FOXB2: variants seen among roughly 807,000 people sequenced by gnomAD.
FOXB2 encodes forkhead box B2, also known as forkhead box protein B2.
A neutral mutation model predicts 0.9 loss-of-function variants in FOXB2; 1 was observed. The observed-to-expected ratio is 1.09, with a 90% CI of 0.39 to 5.18. The LOEUF is 5.18. FOXB2 is among the 30% of genes most tolerant of loss of function. The probability of loss-of-function intolerance (pLI) is 0.16; values close to 1 mark genes in which losing one functional copy is unlikely to be tolerated. For synonymous variants in FOXB2, 322 were observed against 293.5 expected (o/e 1.10, Z -0.99); for missense variants, 670 against 626.6 (o/e 1.07, Z -0.74).
chr9:77,020,716 G>A lies in FOXB2; in HGVS notation c.1062G>A (p.Ser354=). Reference sequence around the variant, plus strand: ...TCCCGGTCAAGTCCCTGTGCCACTCGGCAAGCCAGAGCCTGCCTGCCATGC... The same window carrying A: ...TCCCGGTCAAGTCCCTGTGCCACTCAGCAAGCCAGAGCCTGCCTGCCATGC... ...FGVPVKSLCH[S]ASQSLPAMPV... Residue 354 remains serine, a synonymous_variant, in exon 1 of 1, where the codon TCG becomes TCA. Coordinates refer to ENST00000376708, the MANE Select transcript of FOXB2 (RefSeq NM_001013735.1). This position sits in a 1 kb window ranked among gnomAD's most constrained non-coding sequence, Gnocchi z 4.9. The A allele has an allele frequency of 6.3e-7, 1 of 1,597,980 alleles. No individual in the cohort carries two copies. The highest frequency in any genetic ancestry group is 8.5e-7 in the Non-Finnish European group (1 of 1,174,422).
chr9:77,020,210 AC>A lies in FOXB2; in HGVS notation c.557del (p.Thr186MetfsTer152). 1 of 1,163,226 alleles carries A rather than the reference AC, an allele frequency of 8.6e-7. No individual in the cohort carries two copies. The allele number at this position is 1,163,226 out of a possible 1,614,324, so 72.1% of individuals were successfully genotyped here. A position where few individuals can be genotyped will look rare whatever the true frequency, so the allele number is the denominator to read the frequency against. On this transcript the variant is annotated frameshift_variant, in exon 1 of 1. Coordinates refer to ENST00000376708, the MANE Select transcript of FOXB2 (RefSeq NM_001013735.1). LOFTEE classifies it low-confidence loss of function (END_TRUNC). This position sits in a 1 kb window ranked among gnomAD's most constrained non-coding sequence, Gnocchi z 4.9. ...ACACTATTTCCATCAGCAACCGCCT[AC>A]TGCTCCGCAGCCGCCTCCGCACCTC... ...MVHYFHQQPP[T>X]APQPPPHLPS...
In FOXB2 at chr9:77,019,783, C is replaced by G. The variant is rs760623885; in HGVS notation, c.129C>G (p.Ile43Met). ...MLPLSDIYKF[I>M]MERFPYYREH... The stretch of plus-strand genomic sequence containing the variant: ...CGCTGAGCGACATCTACAAGTTCAT[C>G]ATGGAGCGCTTCCCCTACTACCGCG... The change falls in exon 1 of 1, where the codon ATC becomes ATG. Residue 43 changes from isoleucine (I) to methionine (M), a missense_variant. Transcript: ENST00000376708. The surrounding 1 kb of genome is among the most constrained non-coding windows in gnomAD (Gnocchi z 4.4). The G allele has an allele frequency of 3.1e-6, 5 of 1,614,030 alleles. No homozygotes were observed. Among genetic ancestry groups the G allele is most frequent in the Admixed American group, 3.3e-5 (2 of 60,032 alleles).
At position 77,020,068 on chromosome 9, in the gene FOXB2, C is replaced by A; in HGVS notation, c.414C>A (p.Pro138=). The A allele has an allele frequency of 6.4e-7, 1 of 1,567,460 alleles. No individual in the cohort carries two copies. Among genetic ancestry groups the A allele is most frequent in the East Asian group, 2.3e-5 (1 of 42,756 alleles). Residue 138 remains proline, a synonymous_variant, in exon 1 of 1, where the codon CCC becomes CCA. Transcript: ENST00000376708. This position sits in a 1 kb window ranked among gnomAD's most constrained non-coding sequence, Gnocchi z 4.9. Reference sequence around the variant, plus strand: ...CCGGTCCGGGAGGGCACCTTCACCCCCATCACCACCACCACCCCCACCACC... The same window carrying A: ...CCGGTCCGGGAGGGCACCTTCACCCACATCACCACCACCACCCCCACCACC... ...PGAGPGGHLH[P]HHHHHPHHHH... is the part of the protein sequence containing the mutation.
At position 77,019,946 on chromosome 9, in the gene FOXB2, G is replaced by C. The variant is rs2063909096; in HGVS notation, c.292G>C (p.Glu98Gln). ...ALHPDCGDMF[E>Q]NGSFLRRRKR... is the part of the protein sequence containing the mutation. ...GCACCCCGACTGCGGGGACATGTTC[G>C]AGAACGGCAGCTTCCTGCGGCGTCG... Residue 98 changes from glutamate (E) to glutamine (Q), a missense_variant, in exon 1 of 1, where the codon GAG (glutamate) becomes CAG (glutamine). Transcript: ENST00000376708. The surrounding 1 kb of genome is among the most constrained non-coding windows in gnomAD (Gnocchi z 4.4). The C allele has an allele frequency of 6.2e-7, 1 of 1,613,318 alleles. No individual in the cohort carries two copies.
Position 77,019,735 on chromosome 9 carries a change from G to T in FOXB2, c.81G>T (p.Gln27His), listed in dbSNP as rs780417675. 1.2e-6 allele frequency: 2 copies of T among 1,613,890 alleles called. No individual in the cohort carries two copies. Among genetic ancestry groups the T allele is most frequent in the Non-Finnish European group, 1.7e-6 (2 of 1,179,998 alleles). ...SYISLTAMAI[Q>H]HSAEKMLPLS... Reference sequence around the variant, plus strand: ...TCTCGCTGACCGCCATGGCAATCCAGCACTCGGCCGAGAAGATGCTGCCGC... The same window carrying T: ...TCTCGCTGACCGCCATGGCAATCCATCACTCGGCCGAGAAGATGCTGCCGC... The change falls in exon 1 of 1, where the codon CAG (glutamine) becomes CAT (histidine). Residue 27 changes from glutamine (Q) to histidine (H), a missense_variant. Gln to His is a conservative substitution (Grantham distance 24). Transcript: ENST00000376708. This position sits in a 1 kb window ranked among gnomAD's most constrained non-coding sequence, Gnocchi z 4.4.
At position 77,020,114 on chromosome 9, in the gene FOXB2, G is replaced by T. The variant is rs769558790; in HGVS notation, c.460G>T (p.Ala154Ser). ...CCACCACCATCATCACCACGCTGCC[G>T]CACACCACCACCATCACCACCACCC... ...PHHHHHHHAA[A>S]HHHHHHHPPQ... The change falls in exon 1 of 1, where the codon GCA becomes TCA. Residue 154 changes from alanine (A) to serine (S), a missense_variant. By Grantham distance (99) the Ala-to-Ser change is moderately conservative. Coordinates refer to ENST00000376708, the MANE Select transcript of FOXB2 (RefSeq NM_001013735.1). This position sits in a 1 kb window ranked among gnomAD's most constrained non-coding sequence, Gnocchi z 4.9. 1.4e-6 allele frequency: 2 copies of T among 1,442,070 alleles called. No homozygotes were observed. Among genetic ancestry groups the T allele is most frequent in the Non-Finnish European group, 1.9e-6 (2 of 1,075,956 alleles). The allele number at this position is 1,442,070 out of a possible 1,614,324, so 89.3% of individuals were successfully genotyped here.
At position 77,020,054 on chromosome 9, in the gene FOXB2, G is replaced by A. The variant is rs1270970797; in HGVS notation, c.400G>A (p.Gly134Arg). The change falls in exon 1 of 1, where the codon GGG becomes AGG. Residue 134 changes from glycine (G) to arginine (R), a missense_variant. Transcript: ENST00000376708. This position sits in a 1 kb window ranked among gnomAD's most constrained non-coding sequence, Gnocchi z 4.9. ...TKSAPGAGPG[G>R]HLHPHHHHHP... Reference sequence around the variant, plus strand: ...GAGCGCGCCGGGCGCCGGTCCGGGAGGGCACCTTCACCCCCATCACCACCA... The same window carrying A: ...GAGCGCGCCGGGCGCCGGTCCGGGAAGGCACCTTCACCCCCATCACCACCA... 1 of 1,598,602 alleles carries A rather than the reference G, an allele frequency of 6.3e-7. No homozygotes were observed. The highest frequency in any genetic ancestry group is 8.5e-7 in the Non-Finnish European group (1 of 1,174,864).
rs754614062 is a variant in FOXB2 at position 77,019,960 on chromosome 9, C to T, written c.306C>T (p.Phe102=). Residue 102 remains phenylalanine, a synonymous_variant, in exon 1 of 1, where the codon TTC becomes TTT. Coordinates refer to ENST00000376708, the MANE Select transcript of FOXB2 (RefSeq NM_001013735.1). The surrounding 1 kb of genome is among the most constrained non-coding windows in gnomAD (Gnocchi z 4.4). ...GGGACATGTTCGAGAACGGCAGCTT[C>T]CTGCGGCGTCGCAAGCGCTTCAAGG... ...DCGDMFENGS[F]LRRRKRFKVL... The T allele has an allele frequency of 1.2e-5, 20 of 1,612,934 alleles. No individual in the cohort carries two copies. In the Admixed American group the frequency reaches 1.8e-4, roughly 15 times the overall value.
In FOXB2 at chr9:77,020,302, G is replaced by T; in HGVS notation, c.648G>T (p.Lys216Asn). ...SQPQQPSHPG[K>N]MQEAAAVAAA... ...CTCAGCAGCCGTCTCACCCCGGCAA[G>T]ATGCAGGAGGCGGCGGCCGTGGCGG... The change falls in exon 1 of 1, where the codon AAG (lysine) becomes AAT (asparagine). Residue 216 changes from lysine to asparagine, a missense_variant. Lys to Asn is a moderately conservative substitution (Grantham distance 94). Coordinates refer to ENST00000376708, the MANE Select transcript of FOXB2 (RefSeq NM_001013735.1). This position sits in a 1 kb window ranked among gnomAD's most constrained non-coding sequence, Gnocchi z 4.9. 7.7e-7 allele frequency: 1 copy of T among 1,299,512 alleles called. No homozygotes were observed. The allele number at this position is 1,299,512 out of a possible 1,614,324, so 80.5% of individuals were successfully genotyped here.
In FOXB2 at chr9:77,020,254, G is replaced by A; in HGVS notation, c.600G>A (p.Gln200=). ...PPPHLPSQPP[Q]QPPQQSQPQQ... is the part of the protein sequence containing the mutation. The stretch of plus-strand genomic sequence containing the variant: ...CGCACCTCCCGTCACAGCCCCCGCA[G>A]CAACCGCCCCAGCAGTCGCAGCCTC... The change falls in exon 1 of 1, where the codon CAG becomes CAA. Residue 200 remains glutamine (Q), a synonymous_variant. Coordinates refer to ENST00000376708, the MANE Select transcript of FOXB2 (RefSeq NM_001013735.1). The surrounding 1 kb of genome is among the most constrained non-coding windows in gnomAD (Gnocchi z 4.9). 7.7e-7 allele frequency: 1 copy of A among 1,298,998 alleles called. No homozygotes were observed. The highest frequency in any genetic ancestry group is 1.1e-6 in the Non-Finnish European group (1 of 908,346). The allele number at this position is 1,298,998 out of a possible 1,614,324, so 80.5% of individuals were successfully genotyped here.
chr9:77,020,814 C>G lies in FOXB2; in HGVS notation c.1160C>G (p.Ala387Gly). Residue 387 changes from alanine to glycine, a missense_variant, in exon 1 of 1, where the codon GCT (alanine) becomes GGT (glycine). Transcript: ENST00000376708. The surrounding 1 kb of genome is among the most constrained non-coding windows in gnomAD (Gnocchi z 4.9). ...CAGCCGGGGCTCACTGTCCCCGCGG[C>G]TTCGCAGCAGCCTCCGGCGCCATCC... is the stretch of plus-strand genomic sequence containing the variant. Reference protein sequence around the residue: ...ALQPGLTVPAASQQPPAPSTV... With the variant: ...ALQPGLTVPAGSQQPPAPSTV... 1 of 1,556,024 alleles carries G rather than the reference C, an allele frequency of 6.4e-7. No individual in the cohort carries two copies. Among genetic ancestry groups the G allele is most frequent in the Non-Finnish European group, 8.6e-7 (1 of 1,157,168 alleles).
In FOXB2 at chr9:77,020,138, C is replaced by A; in HGVS notation, c.484C>A (p.Pro162Thr). The A allele has an allele frequency of 7.0e-7, 1 of 1,429,208 alleles. No individual in the cohort carries two copies. The highest frequency in any genetic ancestry group is 1.4e-5 in the African/African-American group (1 of 71,564). 88.5% of individuals were successfully genotyped at this position (1,429,208 alleles called of 1,614,324 possible). Residue 162 changes from proline to threonine, a missense_variant, in exon 1 of 1, where the codon CCA becomes ACA. Coordinates refer to ENST00000376708, the MANE Select transcript of FOXB2 (RefSeq NM_001013735.1). This position sits in a 1 kb window ranked among gnomAD's most constrained non-coding sequence, Gnocchi z 4.9. ...AAAHHHHHHH[P>T]PQPPPPPPPP... ...CGCACACCACCACCATCACCACCAC[C>A]CACCCCAGCCGCCGCCGCCGCCGCC...
rs746503674 is a variant in FOXB2 at position 77,020,299 on chromosome 9, C to G, written c.645C>G (p.Gly215=). The stretch of plus-strand genomic sequence containing the variant: ...AGCCTCAGCAGCCGTCTCACCCCGG[C>G]AAGATGCAGGAGGCGGCGGCCGTGG... ...QSQPQQPSHP[G]KMQEAAAVAA... is the part of the protein sequence containing the mutation. Residue 215 remains glycine, a synonymous_variant, in exon 1 of 1, where the codon GGC becomes GGG. Coordinates refer to ENST00000376708, the MANE Select transcript of FOXB2 (RefSeq NM_001013735.1). This position sits in a 1 kb window ranked among gnomAD's most constrained non-coding sequence, Gnocchi z 4.9. 2.8e-6 allele frequency: 4 copies of G among 1,420,838 alleles called. No homozygotes were observed. Among genetic ancestry groups the G allele is most frequent in the Non-Finnish European group, 3.8e-6 (4 of 1,053,460 alleles). 88.0% of individuals were successfully genotyped at this position (1,420,838 alleles called of 1,614,324 possible).
chr9:77,020,328 C>A lies in FOXB2; in HGVS notation c.674C>A (p.Ala225Glu). The change falls in exon 1 of 1, where the codon GCG becomes GAG. Residue 225 changes from alanine to glutamate, a missense_variant. Transcript: ENST00000376708. This position sits in a 1 kb window ranked among gnomAD's most constrained non-coding sequence, Gnocchi z 4.9. ...GKMQEAAAVA[A>E]AAAAAAAAAV... ...ATGCAGGAGGCGGCGGCCGTGGCGG[C>A]GGCGGCGGCGGCGGCCGCGGCAGCC... is the stretch of plus-strand genomic sequence containing the variant. 1.7e-6 allele frequency: 2 copies of A among 1,154,572 alleles called. No individual in the cohort carries two copies. Among genetic ancestry groups the A allele is most frequent in the Non-Finnish European group, 1.1e-6 (1 of 940,606 alleles). 71.5% of individuals were successfully genotyped at this position (1,154,572 alleles called of 1,614,324 possible).
Position 77,020,006 on chromosome 9 carries a change from C to CA in FOXB2, c.353dup (p.His118GlnfsTer156). 3 of 1,611,248 alleles carry CA rather than the reference C, an allele frequency of 1.9e-6. No individual in the cohort carries two copies. The highest frequency in any genetic ancestry group is 2.5e-6 in the Non-Finnish European group (3 of 1,179,388). ...CAAGGTGCTGCGCGCCGACCATACT[C>CA]ACTTGCACGCGGGAAGCACCAAGAG... On this transcript the variant is annotated frameshift_variant, in exon 1 of 1. Transcript: ENST00000376708. LOFTEE classifies it low-confidence loss of function (END_TRUNC). This position sits in a 1 kb window ranked among gnomAD's most constrained non-coding sequence, Gnocchi z 4.9.
In FOXB2 at chr9:77,020,453, A is replaced by C. The variant is rs2063912605; in HGVS notation, c.799A>C (p.Lys267Gln). 6.3e-7 allele frequency: 1 copy of C among 1,587,028 alleles called. No homozygotes were observed. Among genetic ancestry groups the C allele is most frequent in the African/African-American group, 1.4e-5 (1 of 70,810 alleles). Residue 267 changes from lysine to glutamine, a missense_variant, in exon 1 of 1, where the codon AAG (lysine) becomes CAG (glutamine). Lys to Gln is a moderately conservative substitution (Grantham distance 53). Coordinates refer to ENST00000376708, the MANE Select transcript of FOXB2 (RefSeq NM_001013735.1). This position sits in a 1 kb window ranked among gnomAD's most constrained non-coding sequence, Gnocchi z 4.9. ...GGCCGCGGCGTCCACGTCAGGCTTCAAGCACCCCTTTGCCATTGAGAACAT... is the reference window on the plus strand; with the variant it reads ...GGCCGCGGCGTCCACGTCAGGCTTCCAGCACCCCTTTGCCATTGAGAACAT... ...AAAAASTSGFKHPFAIENIIG... is the reference protein window; with the variant it reads ...AAAAASTSGFQHPFAIENIIG...
chr9:77,019,925 C>T lies in FOXB2; in HGVS notation c.271C>T (p.Pro91Ser). ...CAAGGGTAGCTTCTGGGCGCTGCAC[C>T]CCGACTGCGGGGACATGTTCGAGAA... ...PGKGSFWALH[P>S]DCGDMFENGS... The change falls in exon 1 of 1, where the codon CCC becomes TCC. Residue 91 changes from proline to serine, a missense_variant. Transcript: ENST00000376708. The surrounding 1 kb of genome is among the most constrained non-coding windows in gnomAD (Gnocchi z 4.4). 1 of 1,613,600 alleles carries T rather than the reference C, an allele frequency of 6.2e-7. No homozygotes were observed. The highest frequency in any genetic ancestry group is 2.2e-5 in the East Asian group (1 of 44,830).
In FOXB2 at chr9:77,019,665, C is replaced by T. The variant is rs2063907500; in HGVS notation, c.11C>T (p.Pro4Leu). The T allele has an allele frequency of 6.3e-7, 1 of 1,576,176 alleles. No individual in the cohort carries two copies. Residue 4 changes from proline (P) to leucine (L), a missense_variant, in exon 1 of 1, where the codon CCG becomes CTG. Transcript: ENST00000376708. The surrounding 1 kb of genome is among the most constrained non-coding windows in gnomAD (Gnocchi z 4.4). MPR[P>L]GKSSYSDQKP... ...GAGGAGCCGGGGGCGATGCCGCGGC[C>T]GGGGAAGAGCTCGTACAGCGACCAA...
In FOXB2 at chr9:77,020,270, T is replaced by C; in HGVS notation, c.616T>C (p.Ser206Pro). ...GCCCCCGCAGCAACCGCCCCAGCAG[T>C]CGCAGCCTCAGCAGCCGTCTCACCC... ...SQPPQQPPQQSQPQQPSHPGK... is the reference protein window; with the variant it reads ...SQPPQQPPQQPQPQQPSHPGK... Residue 206 changes from serine (S) to proline (P), a missense_variant, in exon 1 of 1, where the codon TCG (serine) becomes CCG (proline). Ser to Pro is a moderately conservative substitution (Grantham distance 74). Coordinates refer to ENST00000376708, the MANE Select transcript of FOXB2 (RefSeq NM_001013735.1). The surrounding 1 kb of genome is among the most constrained non-coding windows in gnomAD (Gnocchi z 4.9). 1 of 1,361,334 alleles carries C rather than the reference T, an allele frequency of 7.3e-7. No homozygotes were observed. The highest frequency in any genetic ancestry group is 1.0e-6 in the Non-Finnish European group (1 of 968,800). 84.3% of individuals were successfully genotyped at this position (1,361,334 alleles called of 1,614,324 possible).
Sources: gnomAD v4.1 joint callset for allele counts on GRCh38, gnomAD v4.1.1 for gene constraint, Gnocchi (gnomAD v3.1) non-coding constraint, MANE v1.5 for transcripts, NCBI Gene and HGNC (gene_info 2026-07-23, HGNC 2026-07-21) for gene names.